NUP88: variants seen among roughly 807,000 people sequenced by gnomAD.
The protein encoded by NUP88 is nucleoporin 88, also known as nuclear pore complex protein Nup88.
In NUP88, 57 loss-of-function variants were observed where a neutral mutation model predicts 93.9. The ratio of observed to expected loss-of-function variants is 0.61; its 90% CI spans 0.49 to 0.76. The LOEUF is 0.76. Among genes scored for constraint, NUP88 ranks in the 30% least tolerant of loss-of-function variants. The probability of loss-of-function intolerance (pLI) is 0.00; values close to 1 mark genes in which losing one functional copy is unlikely to be tolerated. For missense variants in NUP88, 911 were observed against 901.0 expected, an observed-to-expected ratio of 1.01 and a Z score of -0.14; for synonymous variants, 346 against 336.8, an observed-to-expected ratio of 1.03 and a Z score of -0.30.
chr17:5,390,301 G>A (rs1430654765), intron 10 of NUP88, among the ~76,000 whole-genome samples: 1 of 152,126 alleles, frequency 6.6e-6, no homozygotes, highest in East Asian at 1.9e-4. Context: ...GTATGCTGAG[G>A]TAACTTACAG....
intron 2 of NUP88, among the ~76,000 whole-genome samples, 157 bp downstream of exon 2, chr17:5,416,356 A>G (rs1055481292): frequency 6.6e-6 from 1 of 151,960 alleles, no homozygotes; most frequent in African/African-American, 2.4e-5. Context: ...AATTACACAT[A>G]TACTATGAAC....
At position 5,385,324 on chromosome 17, in the gene NUP88, T is replaced by C. The variant is rs778505783; in HGVS notation, c.*882A>G. ...CCTTCTAGGCAAAAGAAAAGCTCAGTTGGGTTTCACGAGTGTTCCTGTGCT... is the reference window on the plus strand; with the variant it reads ...CCTTCTAGGCAAAAGAAAAGCTCAGCTGGGTTTCACGAGTGTTCCTGTGCT... On this transcript the variant is annotated 3_prime_UTR_variant, in exon 17 of 17. Coordinates refer to ENST00000573584, the MANE Select transcript of NUP88 (RefSeq NM_002532.6). 8.7e-6 allele frequency: 2 copies of C among 230,824 alleles called. No homozygotes were observed. The highest frequency in any genetic ancestry group is 8.6e-6 in the Non-Finnish European group (1 of 116,652). The allele number at this position is 230,824 out of a possible 1,614,324, so 14.3% of individuals were successfully genotyped here. A position where few individuals can be genotyped will look rare whatever the true frequency, so the allele number is the denominator to read the frequency against.
At position 5,404,250 on chromosome 17, in the gene NUP88, T is replaced by TA. The variant is rs759021015; in HGVS notation, c.1045-5dup. On this transcript the variant is annotated splice_polypyrimidine_tract_variant and splice_region_variant and intron_variant, in intron 6 of 16. Coordinates refer to ENST00000573584, the MANE Select transcript of NUP88 (RefSeq NM_002532.6). ...TGGAATCCCAGGACTTTTCTGACTG[T>TA]AAAAAAAAGTGTTGTAATTTTGATC... 117 of 1,605,602 alleles carry TA rather than the reference T, an allele frequency of 7.3e-5. No individual in the cohort carries two copies. The South Asian group carries it at 7.5e-4, about 10-fold the overall frequency.
At chr17:5,411,579 TCA>T (rs1913844624) in intron 3 of NUP88, among the ~76,000 whole-genome samples, 1 of 102,068 alleles carries the variant, frequency 9.8e-6, no homozygotes. Context: ...AGACTCCATT[TCA>T]AAAAAAAAAA....
rs760997283 is a variant in NUP88, at chr17:5,405,294, C to T, written c.858-51G>A. Reference sequence around the variant, plus strand: ...GGGAAATGTTGACAGTATGCATGCTCATCCCATAAAACCATTCTTTGACTT... The same window carrying T: ...GGGAAATGTTGACAGTATGCATGCTTATCCCATAAAACCATTCTTTGACTT... On this transcript the variant is annotated intron_variant, in intron 5 of 16. Transcript: ENST00000573584. 8.1e-6 allele frequency: 12 copies of T among 1,478,034 alleles called. No homozygotes were observed. The South Asian group carries it at 8.5e-5, about 11-fold the overall frequency. The allele number at this position is 1,478,034 out of a possible 1,614,324, so 91.6% of individuals were successfully genotyped here.
rs576502606 is a variant in NUP88, at chr17:5,387,571, G to A, written c.1835+34C>T. On this transcript the variant is annotated intron_variant, in intron 13 of 16. Transcript: ENST00000573584. ...GTGAGAATATGGTTCCAGTCTTACT[G>A]ACCTATTGTATTCTTCTTATTTTTG... 1.8e-4 allele frequency: 292 copies of A among 1,598,120 alleles called. 4 individuals carry two copies. Among genetic ancestry groups the A allele is most frequent in the South Asian group, 1.2e-3 (110 of 90,704 alleles).
At chr17:5,399,214 G>A (rs1347503984) in intron 8 of NUP88, among the ~76,000 whole-genome samples, 1 of 128,892 alleles carries the variant, frequency 7.8e-6, no homozygotes, top group East Asian at 2.5e-4. Context: ...TTTTTTTAAA[G>A]CAAATTATCC....
At position 5,384,923 on chromosome 17, in the gene NUP88, ATT is replaced by A. The variant is rs1911823138; in HGVS notation, c.*1281_*1282del. 8.9e-6 allele frequency: 2 copies of A among 224,638 alleles called. No individual in the cohort carries two copies. Among genetic ancestry groups the A allele is most frequent in the Non-Finnish European group, 1.8e-5 (2 of 112,934 alleles). 13.9% of individuals were successfully genotyped at this position (224,638 alleles called of 1,614,324 possible). On this transcript the variant is annotated 3_prime_UTR_variant, in exon 17 of 17. Transcript: ENST00000573584. Reference sequence around the variant, plus strand: ...AGTCCCTTGGATAAGCCCCAAGCGAATTTGTCTTCAGATTATTAAAATTAGTG... The same window carrying A: ...AGTCCCTTGGATAAGCCCCAAGCGAATGTCTTCAGATTATTAAAATTAGTG...
intron 4 of NUP88, among the ~76,000 whole-genome samples, chr17:5,409,509 CACAT>C (rs1169985460): frequency 5.9e-5 from 9 of 151,660 alleles, no homozygotes; most frequent in Non-Finnish European, 1.0e-4. Flanking sequence ...TATATACACA[CACAT>C]AAATGCAAAA....
At chr17:5,419,189 G>T (rs1448166664) in intron 1 of NUP88, among the ~76,000 whole-genome samples, 165 bp downstream of exon 1, 1 of 152,210 alleles carries the variant, frequency 6.6e-6, no homozygotes, top group Non-Finnish European at 1.5e-5. Flanking sequence ...CCTCCAGGCC[G>T]TAAGCATCGA....
intron 3 of NUP88, among the ~76,000 whole-genome samples, chr17:5,413,690 A>G (rs192737680): frequency 9.3e-4 from 141 of 152,298 alleles, no homozygotes; most frequent in African/African-American, 3.4e-3. Context: ...AAATCTCTAA[A>G]TTTACACTTA....
intron 10 of NUP88, among the ~76,000 whole-genome samples, chr17:5,389,775 CAAAA>C (rs58723410): frequency 1.1e-3 from 88 of 76,580 alleles, no homozygotes; most frequent in African/African-American, 3.8e-3. Flanking sequence ...GACTCTGTCT[CAAAA>C]AAAAAAAAAA....
At chr17:5,394,650 A>AGCTGGGGCTGGG (rs1010448524) in intron 9 of NUP88, among the ~76,000 whole-genome samples, 1 of 151,710 alleles carries the variant, frequency 6.6e-6, no homozygotes, top group Non-Finnish European at 1.5e-5. Context: ...GAAGACAGCA[A>AGCTGGGGCTGGG]GCTGGGGCTG....
At chr17:5,404,898 C>CT (rs1913403556) in intron 6 of NUP88, among the ~76,000 whole-genome samples, 159 bp downstream of exon 6, 2 of 152,194 alleles carry the variant, frequency 1.3e-5, no homozygotes, top group Non-Finnish European at 2.9e-5. Context: ...ACTTAGACTG[C>CT]TAAGTGTGCT....
At chr17:5,404,335 G>C in intron 6 of NUP88, 89 bp from the exon 7 acceptor site, 1 of 1,373,434 alleles carries the variant, frequency 7.3e-7, no homozygotes, top group East Asian at 2.4e-5. Flanking sequence ...GGTCAGGGCC[G>C]GGTGCGGCTG....
chr17:5,418,721 G>A (rs1914364993), intron 1 of NUP88, among the ~76,000 whole-genome samples: 1 of 152,120 alleles, frequency 6.6e-6, no homozygotes, highest in Non-Finnish European at 1.5e-5. Flanking sequence ...TGAGTACCAA[G>A]CTCTTTTTCA....
chr17:5,411,768 A>G (rs932380926), intron 3 of NUP88, among the ~76,000 whole-genome samples: 1 of 152,210 alleles, frequency 6.6e-6, no homozygotes, highest in African/African-American at 2.4e-5. Context: ...TTAGAAATCC[A>G]GTGTCCCTTA....
chr17:5,403,981 C>A, intron 7 of NUP88, 118 bp downstream of exon 7: 2 of 1,048,724 alleles, frequency 1.9e-6, no homozygotes, highest in Non-Finnish European at 2.7e-6. Context: ...CTAAAAAAAA[C>A]CCAGTCAACT....
At position 5,388,822 on chromosome 17, in the gene NUP88, A is replaced by T. The variant is rs557103467; in HGVS notation, c.1623T>A (p.Val541=). Residue 541 remains valine, a synonymous_variant, in exon 11 of 17, where the codon GTT becomes GTA. Transcript: ENST00000573584. ...KHIRSILQRS[V]ANPAFLKASE... ...CATACTTCAAAAATGCTGGATTGGC[A>T]ACACTACGTTGCAAAATGCTTCTAA... 1 of 1,613,972 alleles carries T rather than the reference A, an allele frequency of 6.2e-7. No individual in the cohort carries two copies. Among genetic ancestry groups the T allele is most frequent in the African/African-American group, 1.3e-5 (1 of 75,064 alleles).
Sources: allele counts gnomAD v4.1 joint callset (sites outside exome capture counted in the v4.1 genomes callset), GRCh38; gene constraint gnomAD v4.1.1; transcripts MANE v1.5; gene names NCBI Gene and HGNC (gene_info 2026-07-23, HGNC 2026-07-21).